Variants in COP1 observed in about 807,000 individuals in gnomAD.
The protein encoded by COP1 is COP1 E3 ubiquitin ligase.
Under a neutral mutation model 101.3 loss-of-function variants are expected in COP1, and 24 were observed. That is an observed-to-expected ratio of 0.24 (90% CI 0.17 to 0.33). The LOEUF is 0.33. Among genes scored for constraint, COP1 ranks in the 10% least tolerant of loss-of-function variants. The probability of loss-of-function intolerance (pLI) is 1.00; values close to 1 mark genes in which losing one functional copy is unlikely to be tolerated. For synonymous variants in COP1, 347 were observed against 341.9 expected, an observed-to-expected ratio of 1.01 and a Z score of -0.17; for missense variants, 663 against 906.2, an observed-to-expected ratio of 0.73 and a Z score of 3.45.
intron 1 of COP1, among the ~76,000 whole-genome samples, chr1:176,204,518 G>A (rs1700623117): frequency 6.6e-6 from 1 of 152,090 alleles, no homozygotes; most frequent in Admixed American, 6.5e-5. Flanking sequence ...CCAAGAGTCT[G>A]GACAAAATCA....
chr1:176,140,409 T>G (rs576794270), intron 6 of COP1, among the ~76,000 whole-genome samples: 2 of 152,060 alleles, frequency 1.3e-5, no homozygotes, highest in African/African-American at 4.8e-5. Context: ...GCAAGAAATA[T>G]TAAAAAGAAA....
intron 11 of COP1, among the ~76,000 whole-genome samples, chr1:176,049,043 G>A (rs1672025077): frequency 6.6e-6 from 1 of 151,314 alleles, no homozygotes. Context: ...GCGGTGGCGG[G>A]CGCCTGTAGT....
At chr1:175,998,625 T>C (rs1660867837) in intron 15 of COP1, among the ~76,000 whole-genome samples, 1 of 152,086 alleles carries the variant, frequency 6.6e-6, no homozygotes, top group Admixed American at 6.6e-5. Context: ...TATGAAATCT[T>C]TCATCTAGTA....
At chr1:176,187,402 CGT>C (rs35205766) in intron 1 of COP1, among the ~76,000 whole-genome samples, 6,532 of 149,152 alleles carry the variant, frequency 0.044, 277 homozygotes, top group African/African-American at 0.11. Flanking sequence ...TATAAATATA[CGT>C]GTGTGTGTGT....
At chr1:175,993,021 C>A (rs113371470) in intron 15 of COP1, among the ~76,000 whole-genome samples, 1 of 151,652 alleles carries the variant, frequency 6.6e-6, no homozygotes, top group Admixed American at 6.6e-5. Flanking sequence ...CACCTCACAC[C>A]GCCGGGTACT....
chr1:176,156,813 A>G (rs1026992491), intron 5 of COP1, among the ~76,000 whole-genome samples: 3 of 152,188 alleles, frequency 2.0e-5, no homozygotes, highest in Admixed American at 2.0e-4. Flanking sequence ...TGAAGCAAAA[A>G]TTACCAAAAA....
intron 11 of COP1, among the ~76,000 whole-genome samples, chr1:176,059,490 C>CTTTT (rs984914923): frequency 6.8e-6 from 1 of 147,406 alleles, no homozygotes. Flanking sequence ...TTTTTTCTTT[C>CTTTT]TTTTTTTTTT....
intron 9 of COP1, among the ~76,000 whole-genome samples, chr1:176,110,021 C>A (rs916147805): frequency 1.3e-5 from 2 of 152,056 alleles, no homozygotes; most frequent in Admixed American, 1.3e-4. Context: ...TTTTTGAGTG[C>A]ACTGATTTTT....
rs1402452256 is a variant in COP1, at chr1:175,944,840, A to G, written c.*313T>C. On this transcript the variant is annotated 3_prime_UTR_variant, in exon 20 of 20. Transcript: ENST00000367669. Reference sequence around the variant, plus strand: ...ACTTTCCAAGCTCAACTGTGGCTCAATAAACTTTTATTGTTTTGTTATTTA... The same window carrying G: ...ACTTTCCAAGCTCAACTGTGGCTCAGTAAACTTTTATTGTTTTGTTATTTA... The G allele has an allele frequency of 2.9e-6, 1 of 344,596 alleles. No homozygotes were observed. Among genetic ancestry groups the G allele is most frequent in the Admixed American group, 5.0e-5 (1 of 19,838 alleles). The allele number at this position is 344,596 out of a possible 1,614,324, so 21.3% of individuals were successfully genotyped here.
intron 15 of COP1, among the ~76,000 whole-genome samples, chr1:176,021,150 G>T (rs1445206126): frequency 6.6e-6 from 1 of 152,080 alleles, no homozygotes; most frequent in African/African-American, 2.4e-5. Context: ...GTCCAGCCAG[G>T]AATCAGTTTC....
At chr1:176,133,755 T>C (rs1689340110) in intron 8 of COP1, 1 of 392,740 alleles carries the variant, frequency 2.5e-6, no homozygotes, top group Non-Finnish European at 5.0e-6. Context: ...AATTTGCTAC[T>C]GTTAAACAGA....
At chr1:176,152,465 T>TGATACA (rs1692770371) in intron 5 of COP1, among the ~76,000 whole-genome samples, 1 of 152,052 alleles carries the variant, frequency 6.6e-6, no homozygotes, top group African/African-American at 2.4e-5. Flanking sequence ...TTTTTTTTCT[T>TGATACA]GAGACAGAGC....
At chr1:176,122,139 C>CAA (rs34899450) in intron 8 of COP1, among the ~76,000 whole-genome samples, 2,774 of 114,792 alleles carry the variant, frequency 0.024, 61 homozygotes, top group South Asian at 0.051. Flanking sequence ...GACTGCATCT[C>CAA]AAAAAAAAAA....
At chr1:175,969,486 G>T (rs1652822111) in intron 18 of COP1, among the ~76,000 whole-genome samples, 2 of 152,142 alleles carry the variant, frequency 1.3e-5, no homozygotes, top group South Asian at 2.1e-4. Flanking sequence ...GAGACACAGA[G>T]AAGAAGCTCA....
chr1:176,046,013 C>G (rs1462667579), intron 12 of COP1, among the ~76,000 whole-genome samples, 168 bp downstream of exon 12: 5 of 150,104 alleles, frequency 3.3e-5, no homozygotes, highest in Non-Finnish European at 5.9e-5. Context: ...CAACCAATAT[C>G]TGTAAGAAAG....
At chr1:176,186,255 T>G (rs1313866655) in intron 1 of COP1, among the ~76,000 whole-genome samples, 1 of 151,790 alleles carries the variant, frequency 6.6e-6, no homozygotes, top group Non-Finnish European at 1.5e-5. Flanking sequence ...TTCAAGTATG[T>G]CACTGCTAAG....
intron 9 of COP1, among the ~76,000 whole-genome samples, chr1:176,114,907 T>C (rs1286477176): frequency 6.6e-6 from 1 of 152,170 alleles, no homozygotes; most frequent in Non-Finnish European, 1.5e-5. Flanking sequence ...CATAAGACAA[T>C]ATCCTTGTTC....
intron 9 of COP1, among the ~76,000 whole-genome samples, chr1:176,095,537 C>G (rs973502693): frequency 6.6e-6 from 1 of 152,152 alleles, no homozygotes; most frequent in Non-Finnish European, 1.5e-5. Context: ...AAAAAATAAG[C>G]TGGGCATGGT....
intron 11 of COP1, among the ~76,000 whole-genome samples, chr1:176,060,857 T>C (rs1201647190): frequency 6.6e-6 from 1 of 151,932 alleles, no homozygotes; most frequent in Non-Finnish European, 1.5e-5. Flanking sequence ...CTTATAAAAA[T>C]AAGTAGTAAA....
Sources: gnomAD v4.1 joint callset for allele counts (sites outside exome capture counted in the v4.1 genomes callset) on GRCh38, gnomAD v4.1.1 for gene constraint, MANE v1.5 for transcripts, NCBI Gene and HGNC (gene_info 2026-07-23, HGNC 2026-07-21) for gene names.